The following ZNF229 variants were observed in gnomAD, a reference collection of about 807,000 sequenced individuals.
ZNF229 encodes zinc finger protein 229.
A neutral mutation model predicts 11.8 loss-of-function variants in ZNF229; 10 were observed. The ratio of observed to expected loss-of-function variants is 0.85; its 90% confidence interval spans 0.52 to 1.44. The LOEUF is 1.44. Among genes scored for constraint, ZNF229 ranks in the 40% most tolerant of loss-of-function variants. The pLI is 0.00. For missense variants in ZNF229, 1,045 were observed against 1,015.1 expected, an observed-to-expected ratio of 1.03 and a Z score of -0.40; for synonymous variants, 368 against 374.8, an observed-to-expected ratio of 0.98 and a Z score of 0.21.
At position 44,428,478 on chromosome 19, in the gene ZNF229, T is replaced by C. The variant is rs1395909172; in HGVS notation, c.2303A>G (p.Tyr768Cys). ...GCCCTTCCCACACTCCTCACATTTA[T>C]AGGGTTTCTCACCAGTGTGGACCCT... The part of the protein sequence containing the change: ...HQRVHTGEKP[Y>C]KCEECGKGFG... The change falls in exon 6 of 6, where the codon TAT (tyrosine) becomes TGT (cysteine). Residue 768 changes from tyrosine (Y) to cysteine (C), a missense_variant. Coordinates refer to ENST00000614049, the MANE Select transcript of ZNF229 (RefSeq NM_014518.4). The C allele has an allele frequency of 5.0e-6, 8 of 1,614,074 alleles. No homozygotes were observed. Among genetic ancestry groups the C allele is most frequent in the East Asian group, 2.2e-5 (1 of 44,876 alleles).
intron 4 of ZNF229, among the ~76,000 whole-genome samples, chr19:44,439,772 T>C (rs192931650): frequency 1.4e-3 from 217 of 152,312 alleles, no homozygotes; most frequent in African/African-American, 4.9e-3. Flanking sequence ...GAAGGTAACA[T>C]ATATTTTCAC....
rs374832674 is a variant in ZNF229, at chr19:44,443,027, G to A, written c.-177-3C>T. ...ACTGCTTCCCATGGTCAGGGGACCT[G>A]TAGGTTCGGGAGGGAACTTTACTTA... On this transcript the variant is annotated splice_polypyrimidine_tract_variant and splice_region_variant and intron_variant, in intron 2 of 5. Coordinates refer to ENST00000614049, the MANE Select transcript of ZNF229 (RefSeq NM_014518.4). 15 of 681,520 alleles carry A rather than the reference G, an allele frequency of 2.2e-5. No individual in the cohort carries two copies. The highest frequency in any genetic ancestry group is 3.7e-5 in the Non-Finnish European group (15 of 403,782). 42.2% of individuals were successfully genotyped at this position (681,520 alleles called of 1,614,324 possible).
At chr19:44,432,518 G>C in intron 4 of ZNF229, 152 bp from the exon 5 acceptor site, 1 of 1,145,256 alleles carries the variant, frequency 8.7e-7, no homozygotes, top group Non-Finnish European at 1.2e-6. Flanking sequence ...CATAAAAAAT[G>C]ATGAGTTCAT....
At position 44,428,964 on chromosome 19, in the gene ZNF229, C is replaced by G. The variant is rs1568400961; in HGVS notation, c.1817G>C (p.Gly606Ala). ...GTCGGAGCTGTAGATGAAACCCTTC[C>G]CACACACGTCACACACGTAGGGCCT... Reference protein sequence around the residue: ...GERPYVCDVCGKGFIYSSDLL... With the variant: ...GERPYVCDVCAKGFIYSSDLL... The change falls in exon 6 of 6, where the codon GGG becomes GCG. Residue 606 changes from glycine to alanine, a missense_variant. Gly to Ala is a moderately conservative substitution (Grantham distance 60, BLOSUM62 0). Transcript: ENST00000614049. 1 of 1,613,874 alleles carries G rather than the reference C, an allele frequency of 6.2e-7. No individual in the cohort carries two copies.
At chr19:44,446,836 T>C (rs369529641) in intron 2 of ZNF229, among the ~76,000 whole-genome samples, 4 of 151,832 alleles carry the variant, frequency 2.6e-5, no homozygotes, top group East Asian at 3.9e-4. Context: ...AGATTCCTGT[T>C]TTCCAACAAG....
rs185368876 is a variant in ZNF229, at chr19:44,430,283, G to T, written c.498C>A (p.Ile166=). ...CTGGAAACTGTTGATTTTCTAGACC[G>T]ATAAGCCCATCCCCTTGTAGACTGT... ...FLDSLQGDGL[I]GLENQQFPAW... Residue 166 remains isoleucine, a synonymous_variant, in exon 6 of 6, where the codon ATC becomes ATA. Coordinates refer to ENST00000614049, the MANE Select transcript of ZNF229 (RefSeq NM_014518.4). 6.2e-7 allele frequency: 1 copy of T among 1,614,110 alleles called. No homozygotes were observed. The highest frequency in any genetic ancestry group is 1.3e-5 in the African/African-American group (1 of 74,978).
intron 2 of ZNF229, among the ~76,000 whole-genome samples, chr19:44,444,413 TTCTC>T (rs1304315728): frequency 6.6e-6 from 1 of 152,158 alleles, no homozygotes; most frequent in Non-Finnish European, 1.5e-5. Context: ...ACAAGCATCT[TTCTC>T]TCTCCCTCCC....
chr19:44,427,608 T>C lies in ZNF229; in HGVS notation c.*695A>G, dbSNP rs1180902219. 6.6e-6 allele frequency: 1 copy of C among 152,164 alleles called. No homozygotes were observed. Among genetic ancestry groups the C allele is most frequent in the Non-Finnish European group, 1.5e-5 (1 of 68,036 alleles). The allele number at this position is 152,164 out of a possible 1,614,324, so 9.4% of individuals were successfully genotyped here. A position where few individuals can be genotyped will look rare whatever the true frequency, so the allele number is the denominator to read the frequency against. On this transcript the variant is annotated 3_prime_UTR_variant, in exon 6 of 6. Coordinates refer to ENST00000614049, the MANE Select transcript of ZNF229 (RefSeq NM_014518.4). ...TGCAATGCCAATTAATAAATTTATT[T>C]AATTAATAATTCAATGCAATGCCAA... is the stretch of plus-strand genomic sequence containing the variant.
rs779029481 is a variant in ZNF229, at chr19:44,428,409, G to T, written c.2372C>A (p.Thr791Asn). The change falls in exon 6 of 6, where the codon ACT (threonine) becomes AAT (asparagine). Residue 791 changes from threonine (T) to asparagine (N), a missense_variant. Coordinates refer to ENST00000614049, the MANE Select transcript of ZNF229 (RefSeq NM_014518.4). ...SCLHVHQRVHTGEKPYTCGVC... is the reference protein window; with the variant it reads ...SCLHVHQRVHNGEKPYTCGVC... ...ACCACACGTATAGGGCTTCTCTCCA[G>T]TGTGGACTCTCTGATGAACATGAAG... 70 of 1,613,992 alleles carry T rather than the reference G, an allele frequency of 4.3e-5. No individual in the cohort carries two copies. The highest frequency in any genetic ancestry group is 1.0e-4 in the Admixed American group (6 of 59,998).
intron 2 of ZNF229, among the ~76,000 whole-genome samples, chr19:44,445,328 A>ATAAACTCATATTCTTCTCTGG (rs142308044): frequency 0.047 from 7,157 of 152,136 alleles, 428 homozygotes; most frequent in African/African-American, 0.13. Flanking sequence ...TTTTAAAAAT[A>ATAAACTCATATTCTTCTCTGG]TAAACTCATA....
intron 4 of ZNF229, among the ~76,000 whole-genome samples, chr19:44,432,959 T>C (rs928282275): frequency 6.6e-6 from 1 of 152,146 alleles, no homozygotes; most frequent in African/African-American, 2.4e-5. Context: ...CTCCAGTTTA[T>C]TAATGTTTGG....
At chr19:44,447,743 A>C (rs1972026734) in intron 1 of ZNF229, 143 bp from the exon 2 acceptor site, 1 of 152,138 alleles carries the variant, frequency 6.6e-6, no homozygotes, top group African/African-American at 2.4e-5. Context: ...GGAGCCGAGG[A>C]AAAGAACCTC....
At chr19:44,436,821 C>A (rs1971823257) in intron 4 of ZNF229, among the ~76,000 whole-genome samples, 3 of 152,062 alleles carry the variant, frequency 2.0e-5, no homozygotes. Flanking sequence ...TGAACCAGAG[C>A]ACAGAATGCA....
In ZNF229 at chr19:44,426,774, T is replaced by C. The variant is rs1312648738; in HGVS notation, c.*1529A>G. 2 of 152,208 alleles carry C rather than the reference T, an allele frequency of 1.3e-5. No homozygotes were observed. The highest frequency in any genetic ancestry group is 2.9e-5 in the Non-Finnish European group (2 of 68,044). 9.4% of individuals were successfully genotyped at this position (152,208 alleles called of 1,614,324 possible). On this transcript the variant is annotated 3_prime_UTR_variant, in exon 6 of 6. Coordinates refer to ENST00000614049, the MANE Select transcript of ZNF229 (RefSeq NM_014518.4). Reference sequence around the variant, plus strand: ...CAAGTATCAATTACTACATATTTACTGCCACTTCAAAGGTTATAGAAATTG... The same window carrying C: ...CAAGTATCAATTACTACATATTTACCGCCACTTCAAAGGTTATAGAAATTG...
At chr19:44,431,918 A>G (rs896434231) in intron 5 of ZNF229, 2 of 664,926 alleles carry the variant, frequency 3.0e-6, no homozygotes, top group East Asian at 9.9e-5. Context: ...CAGGAAAGAA[A>G]TTAGTGTCCT....
At chr19:44,431,179 C>A (rs1971716561) in intron 5 of ZNF229, among the ~76,000 whole-genome samples, 1 of 152,114 alleles carries the variant, frequency 6.6e-6, no homozygotes, top group Admixed American at 6.5e-5. Context: ...CTTGTGTGAG[C>A]AGATGCAATA....
rs1411958703 is a variant in ZNF229, at chr19:44,427,554, A to T, written c.*749T>A. 1 of 152,136 alleles carries T rather than the reference A, an allele frequency of 6.6e-6. No individual in the cohort carries two copies. The highest frequency in any genetic ancestry group is 1.5e-5 in the Non-Finnish European group (1 of 68,044). 9.4% of individuals were successfully genotyped at this position (152,136 alleles called of 1,614,324 possible). A position where few individuals can be genotyped will look rare whatever the true frequency, so the allele number is the denominator to read the frequency against. ...AAAATCAGCATTTCAAAGACGCCACATTCTTTCAAAATTAACCTATAAATT... is the reference window on the plus strand; with the variant it reads ...AAAATCAGCATTTCAAAGACGCCACTTTCTTTCAAAATTAACCTATAAATT... On this transcript the variant is annotated 3_prime_UTR_variant, in exon 6 of 6. Coordinates refer to ENST00000614049, the MANE Select transcript of ZNF229 (RefSeq NM_014518.4).
intron 4 of ZNF229, among the ~76,000 whole-genome samples, chr19:44,436,981 C>T (rs1971826791): frequency 6.6e-6 from 1 of 151,586 alleles, no homozygotes; most frequent in Non-Finnish European, 1.5e-5. Context: ...TATTTACACA[C>T]ACACAAATGA....
At chr19:44,439,921 A>G (rs1280730728) in intron 4 of ZNF229, among the ~76,000 whole-genome samples, 2 of 152,214 alleles carry the variant, frequency 1.3e-5, no homozygotes, top group Non-Finnish European at 2.9e-5. Flanking sequence ...TAAAAGTTAT[A>G]ATGAAATATA....
Sources: gnomAD v4.1 joint callset for allele counts (sites outside exome capture counted in the v4.1 genomes callset) on GRCh38, gnomAD v4.1.1 for gene constraint, MANE v1.5 for transcripts, NCBI Gene and HGNC (gene_info 2026-07-23, HGNC 2026-07-21) for gene names.